HDAC9: variants seen among roughly 807,000 people sequenced by gnomAD.
The protein encoded by HDAC9 is MEF-2 interacting transcription repressor (MITR) protein.
A neutral mutation model predicts 139.4 loss-of-function variants in HDAC9; 41 were observed. The ratio of observed to expected loss-of-function variants is 0.29; its 90% CI spans 0.23 to 0.38. The LOEUF (loss-of-function observed/expected upper bound fraction) is 0.38. HDAC9 is among the 10% of genes least tolerant of loss of function. The probability of loss-of-function intolerance (pLI) is 1.00; values close to 1 mark genes in which losing one functional copy is unlikely to be tolerated. For missense variants in HDAC9, 1,147 were observed against 1,297.0 expected (o/e 0.88, Z 1.78); for synonymous variants, 517 against 476.2 (o/e 1.09, Z -1.12).
At chr7:18,147,156 A>G (rs916816275) in intron 1 of HDAC9, among the ~76,000 whole-genome samples, 22 of 152,196 alleles carry the variant, frequency 1.4e-4, no homozygotes, top group African/African-American at 5.3e-4. Flanking sequence ...AGGTGACAGT[A>G]TATTTATTAT....
In HDAC9 at chr7:18,935,813, T is replaced by C; in HGVS notation, c.2808T>C (p.Phe936=). The change falls in exon 23 of 26, where the codon TTT becomes TTC. Residue 936 remains phenylalanine (F), a synonymous_variant. Transcript: ENST00000686413. ...LGGYKVTAKC[F]GHLTKQLMTL... Reference sequence around the variant, plus strand: ...GTTCTGTTTGTATTATGGTAGGTTTTGGTCATTTGACGAAGCAATTGATGA... The same window carrying C: ...GTTCTGTTTGTATTATGGTAGGTTTCGGTCATTTGACGAAGCAATTGATGA... 1 of 1,613,256 alleles carries C rather than the reference T, an allele frequency of 6.2e-7. No individual in the cohort carries two copies. Among genetic ancestry groups the C allele is most frequent in the East Asian group, 2.2e-5 (1 of 44,868 alleles).
intron 6 of HDAC9, among the ~76,000 whole-genome samples, chr7:18,623,037 A>G (rs1840663902): frequency 6.6e-6 from 1 of 151,820 alleles, no homozygotes; most frequent in African/African-American, 2.4e-5. Flanking sequence ...CCAGCTACCC[A>G]GGAGGCTGAG....
chr7:18,266,638 T>C (rs556962693), intron 2 of HDAC9, among the ~76,000 whole-genome samples: 31 of 152,260 alleles, frequency 2.0e-4, no homozygotes, highest in African/African-American at 5.8e-4. Flanking sequence ...AAATAAAATA[T>C]ATGTTGTAGG....
At chr7:18,392,101 G>C (rs2128724093) in intron 1 of HDAC9, among the ~76,000 whole-genome samples, 1 of 152,128 alleles carries the variant, frequency 6.6e-6, no homozygotes, top group South Asian at 2.1e-4. Flanking sequence ...ACACAGATTT[G>C]TATTCTCATT....
intron 2 of HDAC9, among the ~76,000 whole-genome samples, chr7:18,220,201 A>C (rs1180656777): frequency 2.6e-5 from 4 of 152,188 alleles, no homozygotes; most frequent in African/African-American, 7.2e-5. Flanking sequence ...TTTATGCTAT[A>C]ATTCTGACCA....
chr7:18,757,854 GA>G (rs1562918607), intron 14 of HDAC9, among the ~76,000 whole-genome samples: 1 of 152,100 alleles, frequency 6.6e-6, no homozygotes, highest in Non-Finnish European at 1.5e-5. Flanking sequence ...CTCTCTTTCA[GA>G]AAGACTATTT....
intron 2 of HDAC9, among the ~76,000 whole-genome samples, chr7:18,530,630 A>G (rs1350080170): frequency 2.6e-5 from 4 of 151,986 alleles, no homozygotes; most frequent in Non-Finnish European, 4.4e-5. Flanking sequence ...TTAACTTTTT[A>G]TTTTATTCAA....
At chr7:18,786,101 A>G (rs79523657) in intron 16 of HDAC9, among the ~76,000 whole-genome samples, 2,972 of 152,196 alleles carry the variant, frequency 0.02, 39 homozygotes, top group African/African-American at 0.039. Context: ...TATTTTCTGA[A>G]TTGCATTCTG....
At chr7:18,392,276 C>G (rs1786564077) in intron 1 of HDAC9, among the ~76,000 whole-genome samples, 1 of 144,186 alleles carries the variant, frequency 6.9e-6, no homozygotes, top group South Asian at 2.2e-4. Flanking sequence ...CTCTGTCACT[C>G]TCTCTCTCTC....
Position 18,727,689 on chromosome 7 carries a change from C to T in HDAC9, c.1841C>T (p.Ser614Phe). 2 of 1,584,974 alleles carry T rather than the reference C, an allele frequency of 1.3e-6. No homozygotes were observed. The highest frequency in any genetic ancestry group is 1.7e-6 in the Non-Finnish European group (2 of 1,169,484). Residue 614 changes from serine to phenylalanine, a missense_variant, in exon 13 of 26, where the codon TCT becomes TTT. Physicochemically the swap from Ser to Phe is radical, Grantham distance 155. Coordinates refer to ENST00000686413, the MANE Select transcript of HDAC9 (RefSeq NM_178425.4). ...CACCGTCTCGTCTCCAGGACTCACT[C>T]TTCCCCTGCTGCCTCTGTTTTACCT... ...EKHRLVSRTH[S>F]SPAASVLPHP...
chr7:18,096,686 A>G (rs1267377519), intron 1 of HDAC9, among the ~76,000 whole-genome samples: 1 of 152,196 alleles, frequency 6.6e-6, no homozygotes, highest in Non-Finnish European at 1.5e-5. Flanking sequence ...CACTGTGTGC[A>G]TTTGTTATAG....
At chr7:18,851,185 G>C (rs1440224528) in intron 21 of HDAC9, among the ~76,000 whole-genome samples, 3 of 152,062 alleles carry the variant, frequency 2.0e-5, no homozygotes, top group East Asian at 1.9e-4. Context: ...GTATCTATTC[G>C]CTCTACTTTC....
intron 2 of HDAC9, among the ~76,000 whole-genome samples, chr7:18,233,306 C>G (rs1793592777): frequency 1.3e-5 from 2 of 151,922 alleles, no homozygotes; most frequent in Admixed American, 6.6e-5. Flanking sequence ...CATTATTTTT[C>G]ATTTTTGAGG....
chr7:18,991,349 G>C lies in HDAC9; in HGVS notation c.3171-4674G>C, dbSNP rs188526462. Among the ~76,000 whole-genome samples, 61 of 152,294 alleles carry C rather than the reference G, an allele frequency of 4.0e-4. No homozygotes were observed. In the East Asian group the frequency reaches 8.5e-3, roughly 21 times the overall value. On this transcript the variant is annotated intron_variant, in intron 25 of 25. Coordinates refer to ENST00000686413, the MANE Select transcript of HDAC9 (RefSeq NM_178425.4). ...AGTTTGTGAATACTGGAAAGATAAAGAAGTCATCAGGCTGGGCACAGTGGC... is the reference window on the plus strand; with the variant it reads ...AGTTTGTGAATACTGGAAAGATAAACAAGTCATCAGGCTGGGCACAGTGGC...
At chr7:18,990,361 T>TGGGTCAG (rs1001125272) in intron 25 of HDAC9, among the ~76,000 whole-genome samples, 3 of 152,192 alleles carry the variant, frequency 2.0e-5, no homozygotes, top group African/African-American at 4.8e-5. Context: ...AGGCTGCTCG[T>TGGGTCAG]GGGTCAGGGG....
At chr7:18,114,695 C>T (rs1783851477) in intron 1 of HDAC9, among the ~76,000 whole-genome samples, 2 of 152,192 alleles carry the variant, frequency 1.3e-5, no homozygotes, top group African/African-American at 4.8e-5. Context: ...TTAATGACAT[C>T]TCATTCTCAA....
chr7:18,587,735 C>G (rs888448584), intron 3 of HDAC9, among the ~76,000 whole-genome samples: 5 of 152,176 alleles, frequency 3.3e-5, no homozygotes. Context: ...CTCCAAAGCT[C>G]TTAAGTTGCC....
chr7:18,646,122 A>T (rs781054763), intron 9 of HDAC9, among the ~76,000 whole-genome samples: 1 of 152,196 alleles, frequency 6.6e-6, no homozygotes, highest in Admixed American at 6.6e-5. Context: ...TTTTACAGTT[A>T]TCACTAATTA....
intron 12 of HDAC9, among the ~76,000 whole-genome samples, chr7:18,673,512 T>C (rs1440460717): frequency 6.6e-6 from 1 of 152,086 alleles, no homozygotes; most frequent in Non-Finnish European, 1.5e-5. Context: ...TGTCTATTGA[T>C]TACATGTTGA....
Sources: gnomAD v4.1 joint callset for allele counts (sites outside exome capture counted in the v4.1 genomes callset) on GRCh38, gnomAD v4.1.1 for gene constraint, MANE v1.5 for transcripts, NCBI Gene and HGNC (gene_info 2026-07-23, HGNC 2026-07-21) for gene names.